C2CD2: variants seen among roughly 807,000 people sequenced by gnomAD.
The protein encoded by C2CD2 is C2 calcium dependent domain containing 2.
Under a neutral mutation model 74.3 loss-of-function variants are expected in C2CD2, and 43 were observed. That is an observed-to-expected ratio of 0.58 (90% CI 0.45 to 0.75). The LOEUF (loss-of-function observed/expected upper bound fraction) is 0.75, where lower values mean the gene tolerates loss of function less well. Among genes scored for constraint, C2CD2 ranks in the 30% least tolerant of loss-of-function variants. The pLI is 0.00. For synonymous variants in C2CD2, 422 were observed against 390.7 expected (o/e 1.08, Z -0.94); for missense variants, 801 against 916.3 (o/e 0.87, Z 1.63).
chr21:41,944,125 C>T (rs558476499), intron 1 of C2CD2, among the ~76,000 whole-genome samples: 27 of 152,174 alleles, frequency 1.8e-4, no homozygotes, highest in South Asian at 8.3e-4. Flanking sequence ...TACGCTGTTG[C>T]CTTATACCAG....
chr21:41,898,182 A>C (rs1389954824), intron 13 of C2CD2, among the ~76,000 whole-genome samples: 1 of 152,216 alleles, frequency 6.6e-6, no homozygotes. Context: ...CACAAGAGCC[A>C]GAGCCAGGAG....
Position 41,903,082 on chromosome 21 carries a change from G to A in C2CD2, c.1433-1333C>T, listed in dbSNP as rs2146155720. ...AAACCCCCTAAATGACAGGGCTCAG[G>A]GAGCGTCCAGGTTGTGAACCAACGC... is the stretch of plus-strand genomic sequence containing the variant. On this transcript the variant is annotated intron_variant, in intron 11 of 13. Coordinates refer to ENST00000380486, the MANE Select transcript of C2CD2 (RefSeq NM_015500.2). This position sits in a 1 kb window ranked among gnomAD's most constrained non-coding sequence, Gnocchi z 4.5. Among the ~76,000 whole-genome samples, 1 of 152,236 alleles carries A rather than the reference G, an allele frequency of 6.6e-6. No homozygotes were observed. The highest frequency in any genetic ancestry group is 6.5e-5 in the Admixed American group (1 of 15,302).
chr21:41,920,851 C>T (rs1012504009), intron 3 of C2CD2, among the ~76,000 whole-genome samples: 5 of 152,232 alleles, frequency 3.3e-5, no homozygotes, highest in African/African-American at 9.7e-5. Flanking sequence ...GTTTGTGATC[C>T]TCTCTGGTCT....
chr21:41,934,346 T>C (rs905326570), intron 2 of C2CD2, among the ~76,000 whole-genome samples: 8 of 152,276 alleles, frequency 5.3e-5, no homozygotes, highest in African/African-American at 1.7e-4. Context: ...AGGAGGACTG[T>C]TGAGCCCAGG....
At position 41,901,756 on chromosome 21, in the gene C2CD2, G is replaced by C. The variant is rs1316991435; in HGVS notation, c.1433-7C>G. 1 of 1,613,668 alleles carries C rather than the reference G, an allele frequency of 6.2e-7. No individual in the cohort carries two copies. Among genetic ancestry groups the C allele is most frequent in the Non-Finnish European group, 8.5e-7 (1 of 1,179,510 alleles). ...CCATTCAACACCAACAATTCTACCAGAAGGAAGGCAGTGTTAAGTTCATCA... is the reference window on the plus strand; with the variant it reads ...CCATTCAACACCAACAATTCTACCACAAGGAAGGCAGTGTTAAGTTCATCA... On this transcript the variant is annotated splice_polypyrimidine_tract_variant and splice_region_variant and intron_variant, in intron 11 of 13. Coordinates refer to ENST00000380486, the MANE Select transcript of C2CD2 (RefSeq NM_015500.2).
intron 2 of C2CD2, among the ~76,000 whole-genome samples, chr21:41,930,013 A>ACACCACT (rs1555904531): frequency 1.9e-4 from 29 of 151,288 alleles, no homozygotes; most frequent in Middle Eastern, 3.4e-3. Context: ...AAAGGGAGGA[A>ACACCACT]GCGAGCAGGT....
chr21:41,907,838 T>A lies in C2CD2; in HGVS notation c.1019-54A>T. 15 of 1,609,970 alleles carry A rather than the reference T, an allele frequency of 9.3e-6. 1 individual carries two copies. The South Asian group carries it at 1.7e-4, about 18-fold the overall frequency. ...GCCGCTGATGTTTCCCGGGCTTCCG[T>A]GAGGACGGAAAGGCCCACACGCCCA... On this transcript the variant is annotated intron_variant, in intron 8 of 13. Transcript: ENST00000380486.
intron 5 of C2CD2, among the ~76,000 whole-genome samples, chr21:41,917,133 C>T (rs535620583): frequency 2.0e-5 from 3 of 152,172 alleles, no homozygotes; most frequent in Non-Finnish European, 2.9e-5. Context: ...CTGCAGGCTT[C>T]GGGAGGGTGA....
chr21:41,942,986 T>C (rs1422199579), intron 1 of C2CD2: 8 of 980,580 alleles, frequency 8.2e-6, no homozygotes, highest in Non-Finnish European at 8.5e-6. Context: ...CTCATGTCTG[T>C]TCTGGTTCTT....
At chr21:41,934,148 C>A (rs1027492107) in intron 2 of C2CD2, among the ~76,000 whole-genome samples, 8 of 152,158 alleles carry the variant, frequency 5.3e-5, no homozygotes, top group Non-Finnish European at 1.2e-4. Flanking sequence ...TCCACTTTCA[C>A]CAGGTGAGGT....
intron 2 of C2CD2, among the ~76,000 whole-genome samples, chr21:41,928,544 C>CA (rs59346777): frequency 0.027 from 1,947 of 72,218 alleles, 112 homozygotes; most frequent in African/African-American, 0.073. Flanking sequence ...TAAAGCAAAG[C>CA]AAAAAAAAAA....
intron 1 of C2CD2, chr21:41,943,131 C>A (rs1208030660): frequency 6.4e-6 from 1 of 155,234 alleles, no homozygotes; most frequent in Non-Finnish European, 1.4e-5. Context: ...TGAAACCCTG[C>A]CTCTACCAAA....
intron 2 of C2CD2, 104 bp from the exon 3 acceptor site, chr21:41,922,189 C>T: frequency 1.5e-6 from 1 of 672,648 alleles, no homozygotes; most frequent in Non-Finnish European, 2.6e-6. Flanking sequence ...GACAAGGTCT[C>T]ACTCTGTCGC....
At chr21:41,931,753 T>TG (rs1371979114) in intron 2 of C2CD2, among the ~76,000 whole-genome samples, 2 of 150,046 alleles carry the variant, frequency 1.3e-5, no homozygotes, top group Non-Finnish European at 3.0e-5. Flanking sequence ...AAAGGGCTGT[T>TG]GGGGGGGACC....
At chr21:41,889,793 T>G (rs1416377374) in intron 13 of C2CD2, among the ~76,000 whole-genome samples, 3 of 151,992 alleles carry the variant, frequency 2.0e-5, no homozygotes, top group Non-Finnish European at 4.4e-5. Context: ...CCACCATGCC[T>G]AGCTAATTTT....
Position 41,926,446 on chromosome 21 carries a change from A to G in C2CD2, c.379-4361T>C. On this transcript the variant is annotated intron_variant, in intron 2 of 13. Transcript: ENST00000380486. This position sits in a 1 kb window ranked among gnomAD's most constrained non-coding sequence, Gnocchi z 8.0. ...TGGGTCGGGGAGCCCTGGGCAGCAG[A>G]TGGAAGCACCACGGGGAGGGGAAAA... 1 of 971,826 alleles carries G rather than the reference A, an allele frequency of 1.0e-6. No individual in the cohort carries two copies. The highest frequency in any genetic ancestry group is 4.8e-5 in the South Asian group (1 of 21,008). 60.2% of individuals were successfully genotyped at this position (971,826 alleles called of 1,614,324 possible).
At chr21:41,902,874 G>C (rs905958301) in intron 11 of C2CD2, among the ~76,000 whole-genome samples, 2 of 152,080 alleles carry the variant, frequency 1.3e-5, no homozygotes, top group African/African-American at 4.8e-5. Context: ...CACCCCATCC[G>C]AGTGAATGCT....
chr21:41,946,712 A>G (rs1440216377), intron 1 of C2CD2, among the ~76,000 whole-genome samples: 3 of 152,202 alleles, frequency 2.0e-5, no homozygotes, highest in African/African-American at 4.8e-5. Context: ...GGATGACCCC[A>G]GCAGAAGTCA....
At chr21:41,935,387 CTG>C (rs1394677488) in intron 2 of C2CD2, among the ~76,000 whole-genome samples, 5 of 152,340 alleles carry the variant, frequency 3.3e-5, no homozygotes, top group African/African-American at 1.2e-4. Context: ...AAATATTCTT[CTG>C]TGTCTTTCAA....
Sources: allele counts gnomAD v4.1 joint callset (sites outside exome capture counted in the v4.1 genomes callset), GRCh38; gene constraint gnomAD v4.1.1; non-coding constraint Gnocchi (gnomAD v3.1); transcripts MANE v1.5; gene names NCBI Gene and HGNC (gene_info 2026-07-23, HGNC 2026-07-21).